CAMKK1: variants seen among roughly 807,000 people sequenced by gnomAD.
CAMKK1 encodes the protein calcium/calmodulin-dependent protein kinase kinase 1.
CAMKK1 carries 20 observed loss-of-function variants against 63.5 expected under a neutral mutation model. The observed-to-expected ratio is 0.32, with a 90% confidence interval of 0.22 to 0.46. The LOEUF is 0.46. Ranked by LOEUF, CAMKK1 falls within the 20% of genes least tolerant of loss-of-function variation. The pLI is 1.00. For missense variants in CAMKK1, 588 were observed against 658.1 expected (o/e 0.89, Z 1.17); for synonymous variants, 253 against 269.0 (o/e 0.94, Z 0.58).
At position 3,882,310 on chromosome 17, in the gene CAMKK1, G is replaced by C; in HGVS notation, c.685+218C>G. On this transcript the variant is annotated intron_variant, in intron 7 of 15. Transcript: ENST00000348335. The surrounding 1 kb of genome is among the most constrained non-coding windows in gnomAD (Gnocchi z 4.3). The stretch of plus-strand genomic sequence containing the variant: ...GTCTTGCTGCTCAGAGGGAAGCAGG[G>C]AGTGGGGCTTGGCGATATTTGTTGA... 1 of 1,614,130 alleles carries C rather than the reference G, an allele frequency of 6.2e-7. No homozygotes were observed. Among genetic ancestry groups the C allele is most frequent in the South Asian group, 1.1e-5 (1 of 91,082 alleles).
At chr17:3,866,060 C>T in intron 14 of CAMKK1, 49 bp from the exon 15 acceptor site, 1 of 1,599,072 alleles carries the variant, frequency 6.3e-7, no homozygotes, top group Non-Finnish European at 8.5e-7. Flanking sequence ...GGCTCCCAGA[C>T]ACGCAGCCTC....
intron 15 of CAMKK1, chr17:3,865,323 T>G: frequency 1.0e-6 from 1 of 986,950 alleles, no homozygotes; most frequent in Non-Finnish European, 1.2e-6. Context: ...TCTCCCGTGG[T>G]CCACCGGCCA....
In CAMKK1 at chr17:3,892,513, C is replaced by T. The variant is rs2055939455; in HGVS notation, c.-44+426G>A. On this transcript the variant is annotated intron_variant, in intron 1 of 15. Transcript: ENST00000348335. This position sits in a 1 kb window ranked among gnomAD's most constrained non-coding sequence, Gnocchi z 7.5. ...CGCCCCATTCATCTCCCACCCCGCC[C>T]CCGGCTCCTGCAGGAAGACGCTCCG... Among the ~76,000 whole-genome samples, 1 of 152,178 alleles carries T rather than the reference C, an allele frequency of 6.6e-6. No homozygotes were observed. The highest frequency in any genetic ancestry group is 2.1e-4 in the South Asian group (1 of 4,836).
intron 1 of CAMKK1, among the ~76,000 whole-genome samples, chr17:3,886,538 A>T (rs1405286115): frequency 6.6e-6 from 1 of 152,166 alleles, no homozygotes; most frequent in Admixed American, 6.5e-5. Context: ...AGGCTGAGGC[A>T]GGAGAATCGT....
In CAMKK1 at chr17:3,882,503, T is replaced by C. The variant is rs537508013; in HGVS notation, c.685+25A>G. ...CTTGGGCCAGCCCTGAGTGAGCTGCTGTGGGAATGAGCCAGGTCACTCACC... is the reference window on the plus strand; with the variant it reads ...CTTGGGCCAGCCCTGAGTGAGCTGCCGTGGGAATGAGCCAGGTCACTCACC... On this transcript the variant is annotated intron_variant, in intron 7 of 15. Transcript: ENST00000348335. The surrounding 1 kb of genome is among the most constrained non-coding windows in gnomAD (Gnocchi z 4.3). 6.3e-7 allele frequency: 1 copy of C among 1,598,062 alleles called. No homozygotes were observed. The highest frequency in any genetic ancestry group is 1.1e-5 in the South Asian group (1 of 89,244).
At chr17:3,886,299 C>T (rs1158245836) in intron 1 of CAMKK1, among the ~76,000 whole-genome samples, 1 of 152,186 alleles carries the variant, frequency 6.6e-6, no homozygotes, top group Non-Finnish European at 1.5e-5. Context: ...CCCTGGGGCT[C>T]CCGACTCCAG....
At chr17:3,866,987 C>T (rs2054553045) in intron 14 of CAMKK1, among the ~76,000 whole-genome samples, 1 of 152,224 alleles carries the variant, frequency 6.6e-6, no homozygotes, top group African/African-American at 2.4e-5. Context: ...TCCCAAAGTG[C>T]TGGGATTACA....
intron 12 of CAMKK1, among the ~76,000 whole-genome samples, chr17:3,871,623 T>C (rs2054886578): frequency 6.7e-6 from 1 of 150,174 alleles, no homozygotes; most frequent in East Asian, 1.9e-4. Context: ...CCCAAAGTGC[T>C]GGAATTACAG....
rs559836738 is a variant in CAMKK1 at position 3,890,433 on chromosome 17, A to G, written c.-44+2506T>C. ...TCCTCTGCCCCTCCTCATCCTCCACACCAGGTCTGTGCCTCCAGCCCCACT... is the reference window on the plus strand; with the variant it reads ...TCCTCTGCCCCTCCTCATCCTCCACGCCAGGTCTGTGCCTCCAGCCCCACT... On this transcript the variant is annotated intron_variant, in intron 1 of 15. Transcript: ENST00000348335. The surrounding 1 kb of genome is among the most constrained non-coding windows in gnomAD (Gnocchi z 6.5). Among the ~76,000 whole-genome samples the G allele has an allele frequency of 7.9e-5, 12 of 151,418 alleles. No individual in the cohort carries two copies. The highest frequency in any genetic ancestry group is 2.7e-4 in the African/African-American group (11 of 41,192).
chr17:3,877,730 C>G (rs1002348472), intron 9 of CAMKK1, among the ~76,000 whole-genome samples: 3 of 152,166 alleles, frequency 2.0e-5, no homozygotes, highest in Non-Finnish European at 4.4e-5. Context: ...CTGACACACC[C>G]TTCAGGGCAC....
intron 10 of CAMKK1, among the ~76,000 whole-genome samples, chr17:3,875,057 G>A (rs907983893): frequency 6.6e-6 from 1 of 152,048 alleles, no homozygotes; most frequent in African/African-American, 2.4e-5. Flanking sequence ...AGGAGGTGGA[G>A]CTTGCAGTGA....
intron 8 of CAMKK1, among the ~76,000 whole-genome samples, chr17:3,880,743 C>G (rs906887828): frequency 6.7e-6 from 1 of 150,342 alleles, no homozygotes; most frequent in Non-Finnish European, 1.5e-5. Flanking sequence ...GATCCAGACC[C>G]AAGAGAGGAT....
rs776802217 is a variant in CAMKK1, at chr17:3,872,612, C to T, written c.1066G>A (p.Asp356Asn). 5.6e-6 allele frequency: 9 copies of T among 1,613,852 alleles called. No homozygotes were observed. Among genetic ancestry groups the T allele is most frequent in the South Asian group, 2.2e-5 (2 of 91,088 alleles). The change falls in exon 12 of 16, where the codon GAT becomes AAT. Residue 356 changes from aspartate (D) to asparagine (N), a missense_variant. Coordinates refer to ENST00000348335, the MANE Select transcript of CAMKK1 (RefSeq NM_032294.3). ...FVYGKCPFIDDFILALHRKIK... is the reference protein window; with the variant it reads ...FVYGKCPFIDNFILALHRKIK... ...TTCCTGTGGAGGGCCAGGATGAAAT[C>T]GTCGATGAATGGGCACTGTGGGGTG...
In CAMKK1 at chr17:3,862,117, C is replaced by A; in HGVS notation, c.*94G>T. On this transcript the variant is annotated 3_prime_UTR_variant, in exon 16 of 16. Coordinates refer to ENST00000348335, the MANE Select transcript of CAMKK1 (RefSeq NM_032294.3). This position sits in a 1 kb window ranked among gnomAD's most constrained non-coding sequence, Gnocchi z 4.1. The stretch of plus-strand genomic sequence containing the variant: ...CGGGAGTGGGGCTGCAGTCCCCAGC[C>A]CCCTGCCTGCGGGGGCGGCTGTTGC... 5.8e-6 allele frequency: 6 copies of A among 1,041,286 alleles called. No individual in the cohort carries two copies. The highest frequency in any genetic ancestry group is 2.0e-5 in the Admixed American group (1 of 49,360). The allele number at this position is 1,041,286 out of a possible 1,614,324, so 64.5% of individuals were successfully genotyped here.
intron 12 of CAMKK1, among the ~76,000 whole-genome samples, chr17:3,871,577 C>G (rs142919881): frequency 6.7e-6 from 1 of 149,214 alleles, no homozygotes; most frequent in Non-Finnish European, 1.5e-5. Context: ...AGGATGGTCT[C>G]GATCTCCTGA....
rs1371314064 is a variant in CAMKK1 at position 3,883,206 on chromosome 17, T to C, written c.515-31A>G. ...ACCAGGAAGAGAACTCAAACACCTG[T>C]TCCAGGTGGCTGGGCCTCACCGTGG... On this transcript the variant is annotated intron_variant, in intron 5 of 15. Coordinates refer to ENST00000348335, the MANE Select transcript of CAMKK1 (RefSeq NM_032294.3). This position sits in a 1 kb window ranked among gnomAD's most constrained non-coding sequence, Gnocchi z 4.7. The C allele has an allele frequency of 6.2e-7, 1 of 1,606,024 alleles. No individual in the cohort carries two copies. Among genetic ancestry groups the C allele is most frequent in the Non-Finnish European group, 8.5e-7 (1 of 1,179,112 alleles).
chr17:3,876,357 G>A lies in CAMKK1; in HGVS notation c.862C>T (p.His288Tyr). ...PSNLLLGDDG[H>Y]VKIADFGVSN... ...ACGCCAAAGTCGGCGATCTTCACGT[G>A]CCCATCATCCCCCAGGAGCAGGTTG... The change falls in exon 10 of 16, where the codon CAC becomes TAC. Residue 288 changes from histidine to tyrosine, a missense_variant. Coordinates refer to ENST00000348335, the MANE Select transcript of CAMKK1 (RefSeq NM_032294.3). 1 of 1,614,214 alleles carries A rather than the reference G, an allele frequency of 6.2e-7. No homozygotes were observed. The highest frequency in any genetic ancestry group is 8.5e-7 in the Non-Finnish European group (1 of 1,180,036).
intron 14 of CAMKK1, among the ~76,000 whole-genome samples, chr17:3,867,140 G>A (rs894876267): frequency 1.3e-5 from 2 of 152,256 alleles, no homozygotes; most frequent in African/African-American, 4.8e-5. Context: ...GCGATGAGGT[G>A]TGAAGCAGGG....
intron 7 of CAMKK1, 183 bp from the exon 8 acceptor site, chr17:3,881,831 C>T (rs777931807): frequency 1.6e-4 from 100 of 609,758 alleles, no homozygotes; most frequent in Non-Finnish European, 2.7e-4. Flanking sequence ...CTGCTATGGA[C>T]CTGTCTCATC....
Sources: allele counts gnomAD v4.1 joint callset (sites outside exome capture counted in the v4.1 genomes callset), GRCh38; gene constraint gnomAD v4.1.1; non-coding constraint Gnocchi (gnomAD v3.1); transcripts MANE v1.5; gene names NCBI Gene and HGNC (gene_info 2026-07-23, HGNC 2026-07-21).